The following OR10G3 variants were observed in gnomAD, a reference collection of about 807,000 sequenced individuals.
OR10G3 encodes olfactory receptor 10G3.
Under a neutral mutation model 13.4 loss-of-function variants are expected in OR10G3, and 8 were observed. That is an observed-to-expected ratio of 0.60 (90% CI 0.35 to 1.08). The LOEUF (loss-of-function observed/expected upper bound fraction) is 1.08, where lower values mean the gene tolerates loss of function less well. OR10G3 is among the 50% of genes least tolerant of loss of function. OR10G3 has a pLI of 0.02. For synonymous variants in OR10G3, 142 were observed against 156.1 expected, an observed-to-expected ratio of 0.91 and a Z score of 0.67; for missense variants, 393 against 386.6, an observed-to-expected ratio of 1.02 and a Z score of -0.14.
intron 1 of OR10G3, among the ~76,000 whole-genome samples, chr14:21,578,784 C>G (rs1876817451): frequency 6.6e-6 from 1 of 151,746 alleles, no homozygotes; most frequent in Admixed American, 6.6e-5. Context: ...AAATAAATTT[C>G]ACAATAAGAC....
chr14:21,579,526 T>C (rs1450782158), intron 1 of OR10G3, among the ~76,000 whole-genome samples: 2 of 152,212 alleles, frequency 1.3e-5, no homozygotes, highest in African/African-American at 4.8e-5. Context: ...ATTACAGGTG[T>C]GAGCCAACAT....
intron 1 of OR10G3, among the ~76,000 whole-genome samples, chr14:21,578,452 A>G (rs1876809774): frequency 6.6e-6 from 1 of 152,080 alleles, no homozygotes; most frequent in South Asian, 2.1e-4. Context: ...AATAAAATAA[A>G]GACCATCTAG....
rs1301576342 is a variant in OR10G3, at chr14:21,570,303, C to T, written c.442G>A (p.Gly148Arg). ...TGGATGGATCCTGCCATCCAGGCTCCAGCCACAAGCAAGGCGCTCAGCTTA... is the reference window on the plus strand; with the variant it reads ...TGGATGGATCCTGCCATCCAGGCTCTAGCCACAAGCAAGGCGCTCAGCTTA... ...TAKLSALLVAGAWMAGSIHGA... is the reference protein window; with the variant it reads ...TAKLSALLVARAWMAGSIHGA... Residue 148 changes from glycine (G) to arginine (R), a missense_variant, in exon 2 of 2, where the codon GGA becomes AGA. Coordinates refer to ENST00000641040, the MANE Select transcript of OR10G3 (RefSeq NM_001005465.2). The T allele has an allele frequency of 4.3e-6, 7 of 1,614,182 alleles. No homozygotes were observed. The highest frequency in any genetic ancestry group is 1.1e-5 in the South Asian group (1 of 91,082).
rs1051349159 is a variant in OR10G3 at position 21,573,572 on chromosome 14, C to T, written c.-17-2811G>A. On this transcript the variant is annotated intron_variant, in intron 1 of 1. Coordinates refer to ENST00000641040, the MANE Select transcript of OR10G3 (RefSeq NM_001005465.2). ...CTGTAATCCCAGCTACTCAGGAGGT[C>T]GAGGCGGCAGAATTGCTTGAACCCA... 4.4e-5 allele frequency among the ~76,000 whole-genome samples: 6 copies of T among 135,240 alleles called. No homozygotes were observed. The Admixed American group carries it at 4.5e-4, about 10-fold the overall frequency. The allele number at this position is 135,240 out of a possible 152,430, so 88.7% of individuals were successfully genotyped here.
intron 1 of OR10G3, among the ~76,000 whole-genome samples, chr14:21,572,285 C>CAAACAAAAAAAAAAA (rs1893078679): frequency 7.9e-5 from 1 of 12,676 alleles, no homozygotes; most frequent in African/African-American, 3.4e-4. Context: ...AACTCCATCT[C>CAAACAAAAAAAAAAA]AAAAAAAAAA....
At chr14:21,576,901 C>T (rs1036518997) in intron 1 of OR10G3, among the ~76,000 whole-genome samples, 3 of 151,346 alleles carry the variant, frequency 2.0e-5, no homozygotes, top group Middle Eastern at 3.5e-3. Context: ...TTTGTAATAC[C>T]GAGTATCTTT....
Position 21,570,773 on chromosome 14 carries a change from A to T in OR10G3, c.-17-12T>A. The T allele has an allele frequency of 6.8e-7, 1 of 1,462,152 alleles. No individual in the cohort carries two copies. Among genetic ancestry groups the T allele is most frequent in the Non-Finnish European group, 9.2e-7 (1 of 1,085,058 alleles). 90.6% of individuals were successfully genotyped at this position (1,462,152 alleles called of 1,614,324 possible). ...CCAGAGAATCTTACCTAGAGAATGG[A>T]CAAAACAAGAATTAACATAGAGGTG... On this transcript the variant is annotated splice_polypyrimidine_tract_variant and intron_variant, in intron 1 of 1. Transcript: ENST00000641040.
intron 1 of OR10G3, 85 bp from the exon 2 acceptor site, chr14:21,570,846 A>G: frequency 2.8e-6 from 2 of 726,618 alleles, no homozygotes; most frequent in African/African-American, 1.8e-5. Flanking sequence ...AACTAGGGGC[A>G]GTGGCAGAGA....
At chr14:21,575,530 G>A (rs887164903) in intron 1 of OR10G3, among the ~76,000 whole-genome samples, 27 of 151,488 alleles carry the variant, frequency 1.8e-4, no homozygotes, top group African/African-American at 6.1e-4. Flanking sequence ...ACAGGCATGC[G>A]CCACCATGCC....
In OR10G3 at chr14:21,570,024, T is replaced by C. The variant is rs770354951; in HGVS notation, c.721A>G (p.Thr241Ala). The C allele has an allele frequency of 1.9e-6, 3 of 1,614,110 alleles. No individual in the cohort carries two copies. The highest frequency in any genetic ancestry group is 2.2e-5 in the South Asian group (2 of 91,072). ...ACCACGGTTACATGGGCTCCACAAG[T>C]TGAAAAAGCCCGGCGCCGCCCATCA... ...TADGRRRAFS[T>A]CGAHVTVVTV... is the part of the protein sequence containing the mutation. The change falls in exon 2 of 2, where the codon ACT becomes GCT. Residue 241 changes from threonine (T) to alanine (A), a missense_variant. By Grantham distance (58) the Thr-to-Ala change is moderately conservative. Transcript: ENST00000641040.
chr14:21,579,659 T>C (rs1481747154), intron 1 of OR10G3, 127 bp downstream of exon 1: 1 of 152,166 alleles, frequency 6.6e-6, no homozygotes, highest in East Asian at 1.9e-4. Flanking sequence ...ACTAAACAAG[T>C]AAGAATATTG....
In OR10G3 at chr14:21,569,633, G is replaced by T; in HGVS notation, c.*170C>A. 1 of 609,138 alleles carries T rather than the reference G, an allele frequency of 1.6e-6. No homozygotes were observed. The highest frequency in any genetic ancestry group is 2.8e-6 in the Non-Finnish European group (1 of 352,018). 37.7% of individuals were successfully genotyped at this position (609,138 alleles called of 1,614,324 possible). A position where few individuals can be genotyped will look rare whatever the true frequency, so the allele number is the denominator to read the frequency against. ...GCAGTGGCTGAGAGTTATCTTGAGA[G>T]GATACTAAGGAACTGTTAGAAAGTT... On this transcript the variant is annotated 3_prime_UTR_variant, in exon 2 of 2. Coordinates refer to ENST00000641040, the MANE Select transcript of OR10G3 (RefSeq NM_001005465.2).
At chr14:21,578,221 G>T (rs957725342) in intron 1 of OR10G3, among the ~76,000 whole-genome samples, 10 of 151,838 alleles carry the variant, frequency 6.6e-5, no homozygotes, top group Non-Finnish European at 1.0e-4. Context: ...GACCAGTGTG[G>T]CCAACATGGT....
In OR10G3 at chr14:21,570,373, G is replaced by T; in HGVS notation, c.372C>A (p.Tyr124Ter). ...AGCGCAGGGGCTGACATATTGCCAG[G>T]TACCTGTCATAGGCCATTAGGGTGT... Reference protein sequence around the residue: ...FLYTLMAYDRYLAICQPLRYP... With the variant: ...FLYTLMAYDR The change falls in exon 2 of 2, where the codon TAC (tyrosine) becomes TAA (stop). Residue 124 changes from tyrosine (Y) to a stop codon, truncating the protein, a stop_gained. Coordinates refer to ENST00000641040, the MANE Select transcript of OR10G3 (RefSeq NM_001005465.2). LOFTEE classifies it high-confidence loss of function. 7 of 1,614,182 alleles carry T rather than the reference G, an allele frequency of 4.3e-6. No individual in the cohort carries two copies. The highest frequency in any genetic ancestry group is 5.9e-6 in the Non-Finnish European group (7 of 1,180,018).
At chr14:21,571,341 TG>T (rs1164639347) in intron 1 of OR10G3, among the ~76,000 whole-genome samples, 1 of 152,204 alleles carries the variant, frequency 6.6e-6, no homozygotes, top group Non-Finnish European at 1.5e-5. Flanking sequence ...CAGTGCTTGA[TG>T]CTGTACAGAT....
At chr14:21,576,859 A>T (rs1893133402) in intron 1 of OR10G3, among the ~76,000 whole-genome samples, 1 of 152,256 alleles carries the variant, frequency 6.6e-6, no homozygotes, top group Admixed American at 6.5e-5. Context: ...ACCATCTTAA[A>T]GGGAGGAATG....
chr14:21,575,566 A>C (rs866006911), intron 1 of OR10G3, among the ~76,000 whole-genome samples: 1 of 150,728 alleles, frequency 6.6e-6, no homozygotes, highest in Non-Finnish European at 1.5e-5. Context: ...TTTGTAGTAG[A>C]GATGGGGTTT....
rs775702742 is a variant in OR10G3 at position 21,570,107 on chromosome 14, G to C, written c.638C>G (p.Ser213Cys). Residue 213 changes from serine to cysteine, a missense_variant, in exon 2 of 2, where the codon TCC becomes TGC. Coordinates refer to ENST00000641040, the MANE Select transcript of OR10G3 (RefSeq NM_001005465.2). ...DIGVVVASCF[S>C]LILLSYIQII... ...CTGTATGTAGGAGAGGAGGATCAGG[G>C]AGAAGCAACTGGCAACCACCACCCC... The C allele has an allele frequency of 1.2e-6, 2 of 1,614,104 alleles. No homozygotes were observed. The highest frequency in any genetic ancestry group is 4.5e-5 in the East Asian group (2 of 44,892).
chr14:21,578,098 A>T (rs889175254), intron 1 of OR10G3, among the ~76,000 whole-genome samples: 1 of 150,866 alleles, frequency 6.6e-6, no homozygotes, highest in African/African-American at 2.4e-5. Flanking sequence ...TTGAATTCTC[A>T]TCTGATATCA....
Sources: gnomAD v4.1 joint callset for allele counts (sites outside exome capture counted in the v4.1 genomes callset) on GRCh38, gnomAD v4.1.1 for gene constraint, MANE v1.5 for transcripts, NCBI Gene and HGNC (gene_info 2026-07-23, HGNC 2026-07-21) for gene names.